ARHGAP23: variants seen among roughly 807,000 people sequenced by gnomAD.
ARHGAP23 encodes the protein rho GTPase-activating protein 23.
In ARHGAP23, 34 loss-of-function variants were observed where a neutral mutation model predicts 136.3. The ratio of observed to expected loss-of-function variants is 0.25; its 90% CI spans 0.19 to 0.33. The LOEUF is 0.33. ARHGAP23 is among the 10% of genes least tolerant of loss of function. The pLI is 1.00. For missense variants in ARHGAP23, 1,808 were observed against 2,139.0 expected, an observed-to-expected ratio of 0.85 and a Z score of 3.05; for synonymous variants, 832 against 920.5, an observed-to-expected ratio of 0.90 and a Z score of 1.74.
chr17:38,489,972 G>A lies in ARHGAP23; in HGVS notation c.2987-130G>A, dbSNP rs1483319111. On this transcript the variant is annotated intron_variant, in intron 17 of 23. Coordinates refer to ENST00000622683, the MANE Select transcript of ARHGAP23 (RefSeq NM_001199417.2). The stretch of plus-strand genomic sequence containing the variant: ...GGTGGGTGTGTTCACATACACAAGA[G>A]GCTGTCGCCCACGCTGGAGCCCCCG... The A allele has an allele frequency of 5.1e-6, 4 of 784,520 alleles. No homozygotes were observed. In the Admixed American group the frequency reaches 8.4e-5, roughly 17 times the overall value. 48.6% of individuals were successfully genotyped at this position (784,520 alleles called of 1,614,324 possible). A position where few individuals can be genotyped will look rare whatever the true frequency, so the allele number is the denominator to read the frequency against.
intron 23 of ARHGAP23, among the ~76,000 whole-genome samples, chr17:38,503,804 A>G (rs1018722120): frequency 7.9e-5 from 12 of 152,218 alleles, no homozygotes; most frequent in African/African-American, 2.7e-4. Context: ...TTCAGAGAGT[A>G]CGTCTTTACT....
intron 23 of ARHGAP23, among the ~76,000 whole-genome samples, chr17:38,505,972 G>A (rs900982469): frequency 6.6e-6 from 1 of 151,466 alleles, no homozygotes; most frequent in Admixed American, 6.6e-5. Flanking sequence ...GCTCCAGAAC[G>A]ACACCTATCT....
At chr17:38,502,156 A>G (rs2040536533) in intron 23 of ARHGAP23, among the ~76,000 whole-genome samples, 1 of 152,160 alleles carries the variant, frequency 6.6e-6, no homozygotes, top group African/African-American at 2.4e-5. Context: ...ATACAAAAAA[A>G]TTAGCTGGGT....
chr17:38,479,957 G>C, intron 14 of ARHGAP23, 74 bp downstream of exon 14: 1 of 1,523,254 alleles, frequency 6.6e-7, no homozygotes, highest in Non-Finnish European at 8.8e-7. Context: ...ACGCGTGTGT[G>C]TGTTGGGCTG....
At position 38,498,428 on chromosome 17, in the gene ARHGAP23, C is replaced by A. The variant is rs1306788753; in HGVS notation, c.3333C>A (p.Asp1111Glu). The change falls in exon 22 of 24, where the codon GAC becomes GAA. Residue 1111 changes from aspartate to glutamate, a missense_variant. Transcript: ENST00000622683. Reference sequence around the variant, plus strand: ...CCTGTTCGCAGACCCCTGTGGGCGACAAGGAGCCTCAGGCAGTGCCCAACA... The same window carrying A: ...CCTGTTCGCAGACCCCTGTGGGCGAAAAGGAGCCTCAGGCAGTGCCCAACA... ...EDKGERTPVG[D>E]KEPQAVPNIE... The A allele has an allele frequency of 1.3e-6, 2 of 1,548,046 alleles. No homozygotes were observed. The highest frequency in any genetic ancestry group is 1.7e-6 in the Non-Finnish European group (2 of 1,146,052).
At chr17:38,470,217 C>G (rs1418892948) in intron 10 of ARHGAP23, among the ~76,000 whole-genome samples, 3 of 152,368 alleles carry the variant, frequency 2.0e-5, no homozygotes, top group South Asian at 2.1e-4. Context: ...CCCTGAAATT[C>G]CAGCCTCCGC....
intron 14 of ARHGAP23, among the ~76,000 whole-genome samples, chr17:38,480,518 C>T (rs2040011551): frequency 1.3e-5 from 2 of 151,912 alleles, no homozygotes; most frequent in Non-Finnish European, 2.9e-5. Flanking sequence ...CCTGTAGTCC[C>T]AGCTACTCAG....
intron 11 of ARHGAP23, among the ~76,000 whole-genome samples, chr17:38,476,778 G>A (rs2039901635): frequency 6.6e-6 from 1 of 152,094 alleles, no homozygotes; most frequent in Non-Finnish European, 1.5e-5. Flanking sequence ...GTTGGGGGAG[G>A]CTGTCCTGTG....
intron 22 of ARHGAP23, among the ~76,000 whole-genome samples, chr17:38,499,130 C>T (rs1380587671): frequency 6.6e-6 from 1 of 152,170 alleles, no homozygotes; most frequent in Non-Finnish European, 1.5e-5. Flanking sequence ...CATTCTAAAG[C>T]CCCTTCTCAG....
rs1389468390 is a variant in ARHGAP23 at position 38,473,385 on chromosome 17, C to T, written c.2118+1379C>T. On this transcript the variant is annotated intron_variant, in intron 11 of 23. Coordinates refer to ENST00000622683, the MANE Select transcript of ARHGAP23 (RefSeq NM_001199417.2). ...ATATCAAGCACGTGGCTTTGGGCAC[C>T]CCACTTACCTTCCCTGAGCCTCACT... Among the ~76,000 whole-genome samples the T allele has an allele frequency of 3.9e-5, 6 of 152,232 alleles. 1 individual carries two copies. In the South Asian group the frequency reaches 1.2e-3, roughly 32 times the overall value.
upstream of ARHGAP23, among the ~76,000 whole-genome samples, chr17:38,426,550 C>CAAAAAAAAAAAAA (rs751365956): frequency 7.2e-3 from 370 of 51,182 alleles, 13 homozygotes; most frequent in Non-Finnish European, 0.011. Context: ...AACTCCATCT[C>CAAAAAAAAAAAAA]AAAAAAAAAA....
chr17:38,453,782 C>G (rs1254220833), intron 1 of ARHGAP23: 2 of 145,294 alleles, frequency 1.4e-5, no homozygotes, highest in Admixed American at 1.4e-4. Flanking sequence ...GCCCCCGGGC[C>G]CCGGGCCCGC....
At chr17:38,458,386 G>T in intron 2 of ARHGAP23, 123 bp downstream of exon 2, 2 of 1,311,702 alleles carry the variant, frequency 1.5e-6, no homozygotes, top group African/African-American at 3.0e-5. Flanking sequence ...CTGGGGTCCG[G>T]CCTGACTCCC....
chr17:38,422,891 G>A (rs927782382), intron 1 of ARHGAP23, among the ~76,000 whole-genome samples: 2 of 152,056 alleles, frequency 1.3e-5, no homozygotes, highest in Non-Finnish European at 2.9e-5. Context: ...GGTCAGTGAG[G>A]TTCACTCTAT....
intron 11 of ARHGAP23, among the ~76,000 whole-genome samples, 176 bp downstream of exon 11, chr17:38,472,182 A>C (rs2144675064): frequency 6.6e-6 from 1 of 152,306 alleles, no homozygotes; most frequent in South Asian, 2.1e-4. Context: ...GAACTTATGT[A>C]AAAGAAGTTA....
chr17:38,467,407 T>C, intron 7 of ARHGAP23, 76 bp downstream of exon 7: 21 of 1,370,286 alleles, frequency 1.5e-5, no homozygotes, highest in Non-Finnish European at 2.0e-5. Context: ...CCCATCTGCC[T>C]GTCTGCCATG....
intron 1 of ARHGAP23, among the ~76,000 whole-genome samples, chr17:38,457,084 ATT>A (rs1567790271): frequency 6.6e-6 from 1 of 152,100 alleles, no homozygotes; most frequent in Non-Finnish European, 1.5e-5. Context: ...TAATTTTTGT[ATT>A]TTTGGTAGAG....
At position 38,477,031 on chromosome 17, in the gene ARHGAP23, G is replaced by T. The variant is rs536671600; in HGVS notation, c.2119-548G>T. 2.5e-4 allele frequency among the ~76,000 whole-genome samples: 38 copies of T among 152,136 alleles called. No individual in the cohort carries two copies. The highest frequency in any genetic ancestry group is 1.3e-4 in the Non-Finnish European group (9 of 68,016). The stretch of plus-strand genomic sequence containing the variant: ...GGAGGGGCTGGCTGTGTCAGATGCC[G>T]CTGAGGGGTTAAGGCAAGTTGGGGA... On this transcript the variant is annotated intron_variant, in intron 11 of 23. Coordinates refer to ENST00000622683, the MANE Select transcript of ARHGAP23 (RefSeq NM_001199417.2). The surrounding 1 kb of genome is among the most constrained non-coding windows in gnomAD (Gnocchi z 6.6).
Position 38,500,606 on chromosome 17 carries a change from C to G in ARHGAP23, c.3425C>G (p.Thr1142Ser), listed in dbSNP as rs1425425061. 1 of 1,549,262 alleles carries G rather than the reference C, an allele frequency of 6.5e-7. No individual in the cohort carries two copies. The highest frequency in any genetic ancestry group is 1.2e-5 in the South Asian group (1 of 83,948). The change falls in exon 23 of 24, where the codon ACC becomes AGC. Residue 1142 changes from threonine to serine, a missense_variant. Around this residue, in one of 7 missense-constraint regions of ARHGAP23, gnomAD observed 104 missense variants for 131.8 expected, o/e 0.79. Coordinates refer to ENST00000622683, the MANE Select transcript of ARHGAP23 (RefSeq NM_001199417.2). ...TGTCTTTCACCAACAGATTCTACCA[C>G]CTGTAGTTCAGCCAAGTCCAAGGTA... ...PPGDPGSDST[T>S]CSSAKSKGSW... is the part of the protein sequence containing the mutation.
Sources: gnomAD v4.1 joint callset for allele counts (sites outside exome capture counted in the v4.1 genomes callset) on GRCh38, gnomAD v4.1.1 for gene constraint, gnomAD v4.1.1 regional missense constraint, Gnocchi (gnomAD v3.1) non-coding constraint, MANE v1.5 for transcripts, NCBI Gene and HGNC (gene_info 2026-07-23, HGNC 2026-07-21) for gene names.